The following MX1 variants were observed in gnomAD, a reference collection of about 807,000 sequenced individuals.
MX1 encodes interferon-induced GTP-binding protein Mx1.
Under a neutral mutation model 66.4 loss-of-function variants are expected in MX1, and 66 were observed. That is an observed-to-expected ratio of 0.99 (90% CI 0.82 to 1.22). The LOEUF (loss-of-function observed/expected upper bound fraction) is 1.22, where lower values mean the gene tolerates loss of function less well. Among genes scored for constraint, MX1 ranks in the 50% most tolerant of loss-of-function variants. The pLI is 0.00. For missense variants in MX1, 787 were observed against 834.3 expected, an observed-to-expected ratio of 0.94 and a Z score of 0.70; for synonymous variants, 311 against 318.1, an observed-to-expected ratio of 0.98 and a Z score of 0.24.
chr21:41,425,030 G>A (rs1417374858), upstream of MX1, among the ~76,000 whole-genome samples: 2 of 152,206 alleles, frequency 1.3e-5, no homozygotes, highest in Admixed American at 6.5e-5. Context: ...ATAAGCTTTT[G>A]AGATAAGCTT....
chr21:41,424,971 C>T (rs975907227), upstream of MX1, among the ~76,000 whole-genome samples: 3 of 152,212 alleles, frequency 2.0e-5, no homozygotes, highest in Admixed American at 6.5e-5. Context: ...ATTGACTAGT[C>T]ATCCTCCAAG....
At chr21:41,455,368 C>T (rs1284775418) in intron 16 of MX1, among the ~76,000 whole-genome samples, 2 of 152,228 alleles carry the variant, frequency 1.3e-5, no homozygotes, top group East Asian at 1.9e-4. Context: ...CAGGCATGCA[C>T]ATCAGCTTCT....
At chr21:41,442,106 G>A (rs2090538636) in intron 10 of MX1, among the ~76,000 whole-genome samples, 192 bp downstream of exon 10, 1 of 151,622 alleles carries the variant, frequency 6.6e-6, no homozygotes, top group South Asian at 2.1e-4. Flanking sequence ...AGAATAGGAA[G>A]GGGATTACAA....
intron 13 of MX1, among the ~76,000 whole-genome samples, 191 bp from the exon 14 acceptor site, chr21:41,448,946 G>GCC (rs1346281085): frequency 2.0e-3 from 80 of 40,710 alleles, no homozygotes; most frequent in African/African-American, 6.8e-3. Context: ...GTGTGTGTGT[G>GCC]TGTGTGTGTG....
At chr21:41,445,802 C>A in intron 12 of MX1, 198 bp from the exon 13 acceptor site, 1 of 828,668 alleles carries the variant, frequency 1.2e-6, no homozygotes, top group Non-Finnish European at 1.8e-6. Context: ...CTGTCACGAG[C>A]ATCACCCAGA....
At chr21:41,453,264 A>G (rs1232857252) in intron 16 of MX1, among the ~76,000 whole-genome samples, 4 of 152,214 alleles carry the variant, frequency 2.6e-5, no homozygotes, top group Non-Finnish European at 5.9e-5. Context: ...AACTGCCCCC[A>G]TGATTCAGTT....
intron 7 of MX1, 27 bp downstream of exon 7, chr21:41,437,179 G>A (rs761415634): frequency 1.9e-6 from 3 of 1,613,058 alleles, no homozygotes; most frequent in East Asian, 4.5e-5. Flanking sequence ...TGGATGCCTG[G>A]TCAAGCCTTC....
chr21:41,450,048 A>G (rs2090781405), intron 14 of MX1, among the ~76,000 whole-genome samples: 1 of 152,166 alleles, frequency 6.6e-6, no homozygotes, highest in South Asian at 2.1e-4. Flanking sequence ...TAGGGGCTCT[A>G]TGTTAGGAAA....
At position 41,449,763 on chromosome 21, in the gene MX1, A is replaced by C. The variant is rs150267639; in HGVS notation, c.1432+468A>C. 1,457 of 152,908 alleles carry C rather than the reference A, an allele frequency of 9.5e-3. 11 individuals carry two copies. Among genetic ancestry groups the C allele is most frequent in the Non-Finnish European group, 0.016 (1,080 of 68,536 alleles). The allele number at this position is 152,908 out of a possible 1,614,324, so 9.5% of individuals were successfully genotyped here. A position where few individuals can be genotyped will look rare whatever the true frequency, so the allele number is the denominator to read the frequency against. Reference sequence around the variant, plus strand: ...CTTCTGTCCCCACGGGGTTGGGGGCACCATCCTCATGGCACAGAGATGTGG... The same window carrying C: ...CTTCTGTCCCCACGGGGTTGGGGGCCCCATCCTCATGGCACAGAGATGTGG... On this transcript the variant is annotated intron_variant, in intron 14 of 16. Transcript: ENST00000398598.
intron 14 of MX1, chr21:41,449,533 A>G (rs975925567): frequency 5.1e-6 from 2 of 394,540 alleles, no homozygotes; most frequent in East Asian, 4.1e-5. Context: ...ACTGGCCCCA[A>G]CTACAAATGC....
chr21:41,450,916 T>G, intron 14 of MX1: 1 of 203,704 alleles, frequency 4.9e-6, no homozygotes, highest in Non-Finnish European at 9.7e-6. Flanking sequence ...GAAATTACAT[T>G]CTTTGCAGCT....
intron 7 of MX1, among the ~76,000 whole-genome samples, chr21:41,439,426 G>A (rs908468423): frequency 5.9e-5 from 9 of 152,148 alleles, no homozygotes; most frequent in Non-Finnish European, 1.3e-4. Flanking sequence ...TCTTGCCTCC[G>A]CCCAGCTTTG....
intron 13 of MX1, among the ~76,000 whole-genome samples, chr21:41,447,170 CCT>C (rs923561998): frequency 1.6e-4 from 25 of 152,270 alleles, no homozygotes; most frequent in Admixed American, 2.6e-4. Context: ...CCTTCTAAGG[CCT>C]CTCTCCTTGC....
At chr21:41,447,922 G>T (rs566642596) in intron 13 of MX1, among the ~76,000 whole-genome samples, 45 of 152,226 alleles carry the variant, frequency 3.0e-4, no homozygotes, top group Admixed American at 4.6e-4. Flanking sequence ...TAGAGATGGG[G>T]TTTCACCATG....
chr21:41,442,028 T>TGTGTGC (rs1555885702), intron 10 of MX1, 114 bp downstream of exon 10: 2 of 865,742 alleles, frequency 2.3e-6, no homozygotes, highest in Non-Finnish European at 1.8e-6. Context: ...TGTGTGTGCG[T>TGTGTGC]GTGTGTGTGT....
intron 5 of MX1, among the ~76,000 whole-genome samples, chr21:41,435,179 G>A (rs2090325368): frequency 1.3e-5 from 2 of 152,168 alleles, no homozygotes; most frequent in Non-Finnish European, 2.9e-5. Flanking sequence ...TTCTCTGGCT[G>A]CTCCTAACAT....
At chr21:41,451,315 C>A in intron 15 of MX1, 72 bp downstream of exon 15, 1 of 976,786 alleles carries the variant, frequency 1.0e-6, no homozygotes, top group Non-Finnish European at 1.6e-6. Context: ...AAATAGATTT[C>A]TTGGATGAGG....
At chr21:41,455,602 A>G (rs992971350) in intron 16 of MX1, among the ~76,000 whole-genome samples, 3 of 152,216 alleles carry the variant, frequency 2.0e-5, no homozygotes, top group East Asian at 1.9e-4. Context: ...GCTCCCATGC[A>G]TATACATTTT....
At chr21:41,456,160 C>T (rs1353609750) in intron 16 of MX1, among the ~76,000 whole-genome samples, 3 of 152,234 alleles carry the variant, frequency 2.0e-5, no homozygotes. Flanking sequence ...ATGAGAATTG[C>T]TCGAACCTGG....
Sources: gnomAD v4.1 joint callset for allele counts (sites outside exome capture counted in the v4.1 genomes callset) on GRCh38, gnomAD v4.1.1 for gene constraint, MANE v1.5 for transcripts, NCBI Gene and HGNC (gene_info 2026-07-23, HGNC 2026-07-21) for gene names.